TP53I3: variants seen among roughly 807,000 people sequenced by gnomAD.
TP53I3 encodes the protein tumor protein p53 inducible protein 3.
A neutral mutation model predicts 27.7 loss-of-function variants in TP53I3; 32 were observed. That is an observed-to-expected ratio of 1.16 (90% CI 0.87 to 1.55). The LOEUF (loss-of-function observed/expected upper bound fraction) is 1.55, where lower values mean the gene tolerates loss of function less well. Ranked by LOEUF, TP53I3 falls within the 40% of genes most tolerant of loss-of-function variation. TP53I3 has a pLI of 0.00. For synonymous variants in TP53I3, 138 were observed against 167.8 expected (o/e 0.82, Z 1.37); for missense variants, 372 against 412.3 (o/e 0.90, Z 0.85).
Position 24,082,928 on chromosome 2 carries a change from G to C in TP53I3, c.363C>G (p.Ile121Met). 6.2e-7 allele frequency: 1 copy of C among 1,613,138 alleles called. No individual in the cohort carries two copies. Among genetic ancestry groups the C allele is most frequent in the Non-Finnish European group, 8.5e-7 (1 of 1,179,750 alleles). ...GGAAGGCGGTGAGCCAGGCCTCTGG[G>C]ATGGCTGCAGCCTGGGTCAGGGTCA... Reference protein sequence around the residue: ...EGLTLTQAAAIPEAWLTAFQL... With the variant: ...EGLTLTQAAAMPEAWLTAFQL... Residue 121 changes from isoleucine to methionine, a missense_variant, in exon 2 of 5, where the codon ATC (isoleucine) becomes ATG (methionine). By Grantham distance (10) the Ile-to-Met change is conservative (BLOSUM62 1). Coordinates refer to ENST00000238721, the MANE Select transcript of TP53I3 (RefSeq NM_004881.5).
In TP53I3 at chr2:24,079,606, G is replaced by A. The variant is rs756417687; in HGVS notation, c.654C>T (p.Gly218=). The A allele has an allele frequency of 3.7e-5, 60 of 1,613,916 alleles. No homozygotes were observed. Among genetic ancestry groups the A allele is most frequent in the Non-Finnish European group, 4.7e-5 (56 of 1,180,010 alleles). ...AGVNLILDCI[G]GSYWEKNVNC... ...TGACGTTCTTCTCCCAGTAGGATCC[G>A]CCTATGCAGTCTAGAATAAGATTAA... is the stretch of plus-strand genomic sequence containing the variant. The change falls in exon 4 of 5, where the codon GGC becomes GGT. Residue 218 remains glycine, a synonymous_variant. Transcript: ENST00000238721.
At chr2:24,082,403 G>C (rs1254978158) in intron 2 of TP53I3, among the ~76,000 whole-genome samples, 1 of 152,152 alleles carries the variant, frequency 6.6e-6, no homozygotes, top group Non-Finnish European at 1.5e-5. Context: ...CTCATCTCCA[G>C]CTTCTATCAT....
At chr2:24,082,031 A>G (rs532173241) in intron 2 of TP53I3, among the ~76,000 whole-genome samples, 16 of 147,686 alleles carry the variant, frequency 1.1e-4, no homozygotes, top group African/African-American at 3.0e-4. Flanking sequence ...GTCTCACTCT[A>G]CTGCCCAGGC....
chr2:24,084,045 G>T lies in TP53I3; in HGVS notation c.138+144C>A. The T allele has an allele frequency of 7.6e-7, 1 of 1,320,178 alleles. No individual in the cohort carries two copies. Among genetic ancestry groups the T allele is most frequent in the Non-Finnish European group, 1.0e-6 (1 of 997,802 alleles). 81.8% of individuals were successfully genotyped at this position (1,320,178 alleles called of 1,614,324 possible). On this transcript the variant is annotated intron_variant, in intron 1 of 4. Transcript: ENST00000238721. This position sits in a 1 kb window ranked among gnomAD's most constrained non-coding sequence, Gnocchi z 8.4. ...TTGCATGAACAAAGAGGGCGCCCTG[G>T]GTTTAGGTCTGGGAAGCCCCAGCGC... is the stretch of plus-strand genomic sequence containing the variant.
In TP53I3 at chr2:24,080,369, A is replaced by G. The variant is rs1010071713; in HGVS notation, c.619+450T>C. On this transcript the variant is annotated intron_variant, in intron 3 of 4. Transcript: ENST00000238721. This position sits in a 1 kb window ranked among gnomAD's most constrained non-coding sequence, Gnocchi z 4.7. The stretch of plus-strand genomic sequence containing the variant: ...GACTCCATCTCAAAAAAAAAAAAGA[A>G]AGAGAAACGGAAAGGGATGAGCCAA... Among the ~76,000 whole-genome samples, 3 of 151,996 alleles carry G rather than the reference A, an allele frequency of 2.0e-5. No individual in the cohort carries two copies. Among genetic ancestry groups the G allele is most frequent in the Admixed American group, 2.0e-4 (3 of 15,266 alleles).
Position 24,084,442 on chromosome 2 carries a change from AG to A in TP53I3, c.-117del. 7.6e-7 allele frequency: 1 copy of A among 1,321,624 alleles called. No homozygotes were observed. The highest frequency in any genetic ancestry group is 1.6e-5 in the South Asian group (1 of 62,218). The allele number at this position is 1,321,624 out of a possible 1,614,324, so 81.9% of individuals were successfully genotyped here. A position where few individuals can be genotyped will look rare whatever the true frequency, so the allele number is the denominator to read the frequency against. On this transcript the variant is annotated 5_prime_UTR_variant, in exon 1 of 5. Coordinates refer to ENST00000238721, the MANE Select transcript of TP53I3 (RefSeq NM_004881.5). The surrounding 1 kb of genome is among the most constrained non-coding windows in gnomAD (Gnocchi z 8.4). ...AGGGGCCGCTGTATCCTCGCGGAGC[AG>A]CCCAGCCTCAGGCTGGCACCGCAGC...
chr2:24,080,958 G>C lies in TP53I3; in HGVS notation c.480C>G (p.Leu160=). The C allele has an allele frequency of 6.2e-7, 1 of 1,614,200 alleles. No homozygotes were observed. The highest frequency in any genetic ancestry group is 8.5e-7 in the Non-Finnish European group (1 of 1,180,028). ...GAGGAATAGCTCCAGCCATCCGGGT[G>C]AGTTGGATAGCAGCTGTGCCCACAC... is the stretch of plus-strand genomic sequence containing the variant. The part of the protein sequence containing the change: ...LSGVGTAAIQ[L]TRMAGAIPLV... The change falls in exon 3 of 5, where the codon CTC becomes CTG. Residue 160 remains leucine (L), a synonymous_variant. Coordinates refer to ENST00000238721, the MANE Select transcript of TP53I3 (RefSeq NM_004881.5). The surrounding 1 kb of genome is among the most constrained non-coding windows in gnomAD (Gnocchi z 4.7).
intron 1 of TP53I3, among the ~76,000 whole-genome samples, chr2:24,083,487 G>T (rs924584970): frequency 2.0e-5 from 3 of 152,112 alleles, no homozygotes; most frequent in Admixed American, 1.3e-4. Context: ...TGCATCAAGC[G>T]CTAGGCTCTG....
intron 2 of TP53I3, among the ~76,000 whole-genome samples, chr2:24,081,318 C>A (rs1195768693): frequency 1.3e-5 from 2 of 152,164 alleles, no homozygotes; most frequent in Non-Finnish European, 2.9e-5. Context: ...GGGCTATAAG[C>A]AGCCACATCC....
In TP53I3 at chr2:24,083,096, T is replaced by A. The variant is rs1665087490; in HGVS notation, c.195A>T (p.Ala65=). The A allele has an allele frequency of 6.2e-7, 1 of 1,614,120 alleles. No individual in the cohort carries two copies. Residue 65 remains alanine, a synonymous_variant, in exon 2 of 5, where the codon GCA becomes GCT. Coordinates refer to ENST00000238721, the MANE Select transcript of TP53I3 (RefSeq NM_004881.5). ...PGASNILGLE[A]SGHVAELGPG... ...GCCCCAGCTCTGCCACATGTCCAGA[T>A]GCCTCAAGTCCCAAAATGTTGCTGG...
At position 24,077,835 on chromosome 2, in the gene TP53I3, C is replaced by T. The variant is rs2150981682; in HGVS notation, c.817-74G>A. 6.6e-7 allele frequency: 1 copy of T among 1,511,386 alleles called. No homozygotes were observed. 93.6% of individuals were successfully genotyped at this position (1,511,386 alleles called of 1,614,324 possible). On this transcript the variant is annotated intron_variant, in intron 4 of 4. Transcript: ENST00000238721. The surrounding 1 kb of genome is among the most constrained non-coding windows in gnomAD (Gnocchi z 5.5). The stretch of plus-strand genomic sequence containing the variant: ...TGCCCTCCTCATCCTCCTCAGCCTT[C>T]TTGCTCTCTCTGAAGCCACGTATCT...
At chr2:24,082,837 G>A in intron 2 of TP53I3, 48 bp downstream of exon 2, 1 of 1,540,610 alleles carries the variant, frequency 6.5e-7, no homozygotes, top group Non-Finnish European at 8.8e-7. Context: ...GCTGATTTAT[G>A]AAGGTGTTGA....
At chr2:24,078,783 C>G (rs938370137) in intron 4 of TP53I3, 1 of 152,378 alleles carries the variant, frequency 6.6e-6, no homozygotes, top group African/African-American at 2.4e-5. Context: ...TGCTTAAGCT[C>G]TCCTGTCCCT....
chr2:24,081,966 A>T (rs1289399829), intron 2 of TP53I3, among the ~76,000 whole-genome samples: 1 of 151,668 alleles, frequency 6.6e-6, no homozygotes, highest in Non-Finnish European at 1.5e-5. Flanking sequence ...AAGTGCTGGG[A>T]TTACAGGCGT....
Position 24,081,044 on chromosome 2 carries a change from G to A in TP53I3, c.407-13C>T, listed in dbSNP as rs34606189. On this transcript the variant is annotated splice_polypyrimidine_tract_variant and intron_variant, in intron 2 of 4. Transcript: ENST00000238721. ...GCCTGAACATTTCCTGTGACAGAAA[G>A]TACAGGGTTCTCTTTACTTTGCAAC... The A allele has an allele frequency of 6.8e-6, 11 of 1,607,446 alleles. 1 individual carries two copies. The African/African-American group carries it at 1.5e-4, about 21-fold the overall frequency.
chr2:24,081,649 C>G (rs962013496), intron 2 of TP53I3, among the ~76,000 whole-genome samples: 1 of 151,742 alleles, frequency 6.6e-6, no homozygotes, highest in Non-Finnish European at 1.5e-5. Context: ...CAATAGTCAT[C>G]CTTCACTACT....
Position 24,079,369 on chromosome 2 carries a change from C to T in TP53I3, c.816+75G>A, listed in dbSNP as rs527785925. On this transcript the variant is annotated intron_variant, in intron 4 of 4. Coordinates refer to ENST00000238721, the MANE Select transcript of TP53I3 (RefSeq NM_004881.5). ...ACCTCCGTAATCTAAGGTAGAGCTTCCTTTCTCGGGGTAATGTAAATGAAC... is the reference window on the plus strand; with the variant it reads ...ACCTCCGTAATCTAAGGTAGAGCTTTCTTTCTCGGGGTAATGTAAATGAAC... The T allele has an allele frequency of 2.7e-6, 4 of 1,504,342 alleles. No individual in the cohort carries two copies. In the East Asian group the frequency reaches 9.0e-5, roughly 34 times the overall value. 93.2% of individuals were successfully genotyped at this position (1,504,342 alleles called of 1,614,324 possible).
chr2:24,082,063 T>G (rs1331650291), intron 2 of TP53I3, among the ~76,000 whole-genome samples: 1 of 152,160 alleles, frequency 6.6e-6, no homozygotes, highest in Non-Finnish European at 1.5e-5. Flanking sequence ...GGCATGATCA[T>G]GGCTCACTGC....
Position 24,077,551 on chromosome 2 carries a change from G to A in TP53I3, c.*28C>T, listed in dbSNP as rs760031537. 1.3e-6 allele frequency: 2 copies of A among 1,594,016 alleles called. No individual in the cohort carries two copies. Among genetic ancestry groups the A allele is most frequent in the Non-Finnish European group, 8.5e-7 (1 of 1,171,074 alleles). The stretch of plus-strand genomic sequence containing the variant: ...GTTTGCTCTGGAAAGGCCTGGGGTG[G>A]CCGCGTCCTGTCCTGCCCCATCCTC... On this transcript the variant is annotated 3_prime_UTR_variant, in exon 5 of 5. Transcript: ENST00000238721. This position sits in a 1 kb window ranked among gnomAD's most constrained non-coding sequence, Gnocchi z 5.5.
Sources: gnomAD v4.1 joint callset for allele counts (sites outside exome capture counted in the v4.1 genomes callset) on GRCh38, gnomAD v4.1.1 for gene constraint, Gnocchi (gnomAD v3.1) non-coding constraint, MANE v1.5 for transcripts, NCBI Gene and HGNC (gene_info 2026-07-23, HGNC 2026-07-21) for gene names.